MICU1: variants seen among roughly 807,000 people sequenced by gnomAD.
MICU1 encodes the protein calcium uptake protein 1, mitochondrial.
Under a neutral mutation model 56.8 loss-of-function variants are expected in MICU1, and 45 were observed. The observed-to-expected ratio is 0.79, with a 90% CI of 0.62 to 1.02. The LOEUF is 1.02. Among genes scored for constraint, MICU1 ranks in the 50% least tolerant of loss-of-function variants. MICU1 has a pLI of 0.00. For missense variants in MICU1, 504 were observed against 587.1 expected, an observed-to-expected ratio of 0.86 and a Z score of 1.46; for synonymous variants, 186 against 195.1, an observed-to-expected ratio of 0.95 and a Z score of 0.39.
At chr10:72,485,101 G>A (rs1431941011) in intron 6 of MICU1, among the ~76,000 whole-genome samples, 2 of 151,870 alleles carry the variant, frequency 1.3e-5, no homozygotes, top group Non-Finnish European at 2.9e-5. Flanking sequence ...AAATTATTCA[G>A]CCAACAAGAA....
chr10:72,445,294 AG>A (rs112942771), intron 8 of MICU1, among the ~76,000 whole-genome samples: 1 of 152,318 alleles, frequency 6.6e-6, no homozygotes, highest in African/African-American at 2.4e-5. Context: ...CTTATCGGTA[AG>A]GTTGCCTTTC....
At chr10:72,509,276 G>T in intron 5 of MICU1, 1 of 748,098 alleles carries the variant, frequency 1.3e-6, no homozygotes, top group Non-Finnish European at 2.0e-6. Context: ...AAGTAATAAT[G>T]TCATGCAAGC....
chr10:72,401,630 G>A (rs566047123), intron 10 of MICU1, among the ~76,000 whole-genome samples: 1 of 152,194 alleles, frequency 6.6e-6, no homozygotes, highest in East Asian at 1.9e-4. Context: ...CTACAGCCTG[G>A]GCAACAGAGT....
intron 1 of MICU1, among the ~76,000 whole-genome samples, chr10:72,573,318 A>C (rs1327860779): frequency 4.7e-5 from 7 of 149,042 alleles, no homozygotes; most frequent in African/African-American, 7.3e-5. Flanking sequence ...AAAAAAAAAA[A>C]AAAAAAAAAA....
chr10:72,461,043 A>G (rs1865624778), intron 8 of MICU1, among the ~76,000 whole-genome samples: 1 of 152,172 alleles, frequency 6.6e-6, no homozygotes, highest in Non-Finnish European at 1.5e-5. Context: ...CTAGAGGCCA[A>G]ATTTGATCTG....
intron 7 of MICU1, among the ~76,000 whole-genome samples, chr10:72,476,594 C>T (rs1866131333): frequency 6.6e-6 from 1 of 152,114 alleles, no homozygotes; most frequent in Admixed American, 6.6e-5. Context: ...TGCCCCTTTC[C>T]TCATTTTGAG....
chr10:72,530,641 T>A (rs1326602939), intron 5 of MICU1, among the ~76,000 whole-genome samples: 1 of 152,142 alleles, frequency 6.6e-6, no homozygotes, highest in African/African-American at 2.4e-5. Flanking sequence ...GTGCCAATAA[T>A]AATGTATTTC....
intron 6 of MICU1, among the ~76,000 whole-genome samples, chr10:72,480,994 G>A (rs948089428): frequency 1.3e-5 from 2 of 152,210 alleles, no homozygotes; most frequent in African/African-American, 4.8e-5. Context: ...TGGAGCAACT[G>A]AGAGTGCTTG....
At chr10:72,437,768 C>A (rs1410165723) in intron 8 of MICU1, among the ~76,000 whole-genome samples, 2 of 152,126 alleles carry the variant, frequency 1.3e-5, no homozygotes, top group African/African-American at 4.8e-5. Flanking sequence ...ATAAAACAGA[C>A]TTTAAACCAA....
intron 6 of MICU1, chr10:72,477,481 G>T: frequency 6.6e-7 from 1 of 1,516,022 alleles, no homozygotes; most frequent in Non-Finnish European, 8.8e-7. Context: ...AGTAAAGACA[G>T]CACTTGTCTA....
intron 10 of MICU1, among the ~76,000 whole-genome samples, chr10:72,381,269 G>A (rs1297207299): frequency 6.6e-6 from 1 of 152,174 alleles, no homozygotes; most frequent in East Asian, 1.9e-4. Flanking sequence ...AAAATCAAAA[G>A]CTGACTGGTG....
intron 10 of MICU1, among the ~76,000 whole-genome samples, chr10:72,389,226 A>G (rs1862990565): frequency 6.6e-6 from 1 of 152,218 alleles, no homozygotes; most frequent in Non-Finnish European, 1.5e-5. Context: ...TGACTCCATC[A>G]GTAATTTCTG....
chr10:72,384,821 C>T (rs1862832947), intron 10 of MICU1, among the ~76,000 whole-genome samples: 1 of 152,192 alleles, frequency 6.6e-6, no homozygotes, highest in South Asian at 2.1e-4. Flanking sequence ...TCCTGGCCAA[C>T]ACTCCTCTTC....
chr10:72,573,445 ATAG>A (rs1464879566), intron 1 of MICU1, among the ~76,000 whole-genome samples: 29 of 152,226 alleles, frequency 1.9e-4, no homozygotes, highest in Admixed American at 1.4e-3. Context: ...ACAAAAAGTA[ATAG>A]TAGTGGTGCT....
chr10:72,421,037 TAATAAAAAGAAAAGAAA>T (rs1284191712), intron 9 of MICU1, among the ~76,000 whole-genome samples: 2 of 144,846 alleles, frequency 1.4e-5, no homozygotes, highest in East Asian at 2.0e-4. Flanking sequence ...ATAATAATAA[TAATAAAAAGAAAAGAAA>T]AATAAAAAGA....
chr10:72,576,225 CAAAAAAA>C (rs34829939), intron 1 of MICU1, among the ~76,000 whole-genome samples: 4 of 68,212 alleles, frequency 5.9e-5, no homozygotes, highest in Admixed American at 2.0e-4. Context: ...AAAAAAACAC[CAAAAAAA>C]AAAAAAAAAA....
At chr10:72,600,467 G>A (rs1340413909) in intron 1 of MICU1, among the ~76,000 whole-genome samples, 4 of 151,770 alleles carry the variant, frequency 2.6e-5, no homozygotes, top group Non-Finnish European at 4.4e-5. Flanking sequence ...TGGCCAACAT[G>A]ATGAAACCCC....
intron 5 of MICU1, among the ~76,000 whole-genome samples, chr10:72,524,179 G>C (rs539422920): frequency 2.0e-5 from 3 of 152,282 alleles, no homozygotes; most frequent in Admixed American, 6.5e-5. Flanking sequence ...CTGGAGTAGT[G>C]TCACAATCTT....
At chr10:72,590,371 T>C (rs11000363) in intron 1 of MICU1, among the ~76,000 whole-genome samples, 70,017 of 152,042 alleles carry the variant, frequency 0.46, 20,362 homozygotes, top group Non-Finnish European at 0.67. Flanking sequence ...ATTATCAACA[T>C]TTATACACTT....
Sources: gnomAD v4.1 joint callset for allele counts (sites outside exome capture counted in the v4.1 genomes callset) on GRCh38, gnomAD v4.1.1 for gene constraint, MANE v1.5 for transcripts, NCBI Gene and HGNC (gene_info 2026-07-23, HGNC 2026-07-21) for gene names.